Variants in PCDH15 observed in about 807,000 individuals in gnomAD.
PCDH15 encodes protocadherin-15.
Under a neutral mutation model 178.5 loss-of-function variants are expected in PCDH15, and 129 were observed. That is an observed-to-expected ratio of 0.72 (90% CI 0.63 to 0.84). The LOEUF is 0.84. Ranked by LOEUF, PCDH15 falls within the 40% of genes least tolerant of loss-of-function variation. The pLI, the probability that PCDH15 is intolerant of heterozygous loss-of-function variation, is 0.00. For synonymous variants in PCDH15, 800 were observed against 732.0 expected, an observed-to-expected ratio of 1.09 and a Z score of -1.50; for missense variants, 2,230 against 2,099.9, an observed-to-expected ratio of 1.06 and a Z score of -1.21.
intron 26 of PCDH15, among the ~76,000 whole-genome samples, chr10:53,880,474 T>A (rs1213293180): frequency 6.6e-6 from 1 of 152,158 alleles, no homozygotes; most frequent in Non-Finnish European, 1.5e-5. Context: ...TAATGGAAAG[T>A]CAAAGGAAAG....
At chr10:54,096,773 G>A (rs1338958316) in intron 15 of PCDH15, among the ~76,000 whole-genome samples, 5 of 152,234 alleles carry the variant, frequency 3.3e-5, no homozygotes, top group East Asian at 1.9e-4. Context: ...ATACCATCAC[G>A]TTGGGGATTT....
intron 3 of PCDH15, among the ~76,000 whole-genome samples, chr10:54,392,638 C>T (rs956536707): frequency 6.6e-6 from 1 of 151,860 alleles, no homozygotes; most frequent in African/African-American, 2.4e-5. Flanking sequence ...CTGGCTCATG[C>T]TTGTAATCCC....
At chr10:55,116,707 C>T (rs1157327014) in intron 2 of PCDH15, among the ~76,000 whole-genome samples, 1 of 152,114 alleles carries the variant, frequency 6.6e-6, no homozygotes, top group Non-Finnish European at 1.5e-5. Flanking sequence ...TCAGGACATG[C>T]TACCCCAAAA....
chr10:54,987,003 G>T (rs1235699220), intron 2 of PCDH15, among the ~76,000 whole-genome samples: 1 of 151,814 alleles, frequency 6.6e-6, no homozygotes, highest in African/African-American at 2.4e-5. Context: ...AGTCATCTAA[G>T]TTCCCTGCAC....
intron 2 of PCDH15, among the ~76,000 whole-genome samples, chr10:54,638,200 A>G (rs543161477): frequency 2.6e-5 from 4 of 152,170 alleles, no homozygotes; most frequent in African/African-American, 9.6e-5. Context: ...AGCTTTTTGT[A>G]ACTATGTATT....
chr10:54,945,358 TA>T (rs1405782839), intron 2 of PCDH15, among the ~76,000 whole-genome samples: 3 of 145,258 alleles, frequency 2.1e-5, no homozygotes, highest in Non-Finnish European at 4.6e-5. Flanking sequence ...AGATGATAGA[TA>T]GATATATAGA....
chr10:54,004,883 G>A (rs1397784712), intron 20 of PCDH15, among the ~76,000 whole-genome samples: 3 of 151,056 alleles, frequency 2.0e-5, no homozygotes, highest in African/African-American at 7.3e-5. Context: ...AACACCTGGA[G>A]GAATCACATT....
At chr10:54,419,810 G>A (rs919554822) in intron 3 of PCDH15, among the ~76,000 whole-genome samples, 32 of 152,060 alleles carry the variant, frequency 2.1e-4, no homozygotes, top group African/African-American at 7.7e-4. Flanking sequence ...TATACTAAAA[G>A]CAGATGGCAG....
intron 1 of PCDH15, among the ~76,000 whole-genome samples, chr10:55,221,790 T>A (rs977443090): frequency 6.6e-6 from 1 of 152,046 alleles, no homozygotes. Context: ...AGAAAAACAA[T>A]TAGAAATCAA....
intron 2 of PCDH15, among the ~76,000 whole-genome samples, chr10:55,070,426 T>A (rs1397284141): frequency 6.6e-6 from 1 of 152,096 alleles, no homozygotes; most frequent in African/African-American, 2.4e-5. Flanking sequence ...AACGTTTAAG[T>A]CTTTAATCCA....
rs1331160682 is a variant in PCDH15 at position 54,547,612 on chromosome 10, C to A, written c.92-19735G>T. Among the ~76,000 whole-genome samples, 2 of 152,012 alleles carry A rather than the reference C, an allele frequency of 1.3e-5. 1 individual carries two copies. The highest frequency in any genetic ancestry group is 2.9e-5 in the Non-Finnish European group (2 of 67,960). On this transcript the variant is annotated intron_variant, in intron 2 of 37. Transcript: ENST00000644397. ...AGGTTAATCCATACTGATGTATATA[C>A]CTTTAGGGAAATAATGCTGTAAAGT...
chr10:54,528,432 G>A (rs779384688), intron 2 of PCDH15: 3 of 1,550,984 alleles, frequency 1.9e-6, no homozygotes, highest in South Asian at 1.2e-5. Context: ...GTCATCAATG[G>A]AAGCAGATCA....
At chr10:54,968,111 A>G (rs1838837782) in intron 2 of PCDH15, among the ~76,000 whole-genome samples, 1 of 152,188 alleles carries the variant, frequency 6.6e-6, no homozygotes, top group African/African-American at 2.4e-5. Flanking sequence ...ACACTTATAC[A>G]TACATATAGG....
At chr10:55,186,459 T>C (rs1005630685) in intron 1 of PCDH15, among the ~76,000 whole-genome samples, 1 of 151,428 alleles carries the variant, frequency 6.6e-6, no homozygotes, top group Non-Finnish European at 1.5e-5. Flanking sequence ...TTTTAATAGT[T>C]TGCCTACTGT....
chr10:55,022,509 C>T (rs943871769), intron 2 of PCDH15, among the ~76,000 whole-genome samples: 1 of 148,662 alleles, frequency 6.7e-6, no homozygotes, highest in African/African-American at 2.5e-5. Flanking sequence ...AAAATGCAAA[C>T]CATGTGAGGT....
intron 2 of PCDH15, among the ~76,000 whole-genome samples, chr10:55,085,046 AC>A (rs1427863166): frequency 1.3e-5 from 2 of 151,914 alleles, no homozygotes; most frequent in African/African-American, 4.8e-5. Context: ...AAATAGATTT[AC>A]CCTATGATCC....
intron 14 of PCDH15, among the ~76,000 whole-genome samples, chr10:54,138,405 T>C (rs2043083435): frequency 6.6e-6 from 1 of 152,148 alleles, no homozygotes; most frequent in Non-Finnish European, 1.5e-5. Flanking sequence ...GTTTGGATGC[T>C]CTTAGGGCTC....
chr10:54,568,527 A>C (rs537172468), intron 2 of PCDH15: 1 of 152,244 alleles, frequency 6.6e-6, no homozygotes, highest in African/African-American at 2.4e-5. Flanking sequence ...ATTTACATTC[A>C]GTGAATTGCA....
At chr10:54,649,473 T>C (rs892018242) in intron 2 of PCDH15, among the ~76,000 whole-genome samples, 2 of 152,154 alleles carry the variant, frequency 1.3e-5, no homozygotes, top group Middle Eastern at 3.2e-3. Context: ...ACATAAAATA[T>C]TGATGACTGT....
Sources: allele counts gnomAD v4.1 joint callset (sites outside exome capture counted in the v4.1 genomes callset), GRCh38; gene constraint gnomAD v4.1.1; transcripts MANE v1.5; gene names NCBI Gene and HGNC (gene_info 2026-07-23, HGNC 2026-07-21).